CACNA1C: variants seen among roughly 807,000 people sequenced by gnomAD.
The protein encoded by CACNA1C is calcium voltage-gated channel subunit alpha1 C, also known as voltage-dependent L-type calcium channel subunit alpha-1C.
CACNA1C carries 30 observed loss-of-function variants against 229.0 expected under a neutral mutation model. That is an observed-to-expected ratio of 0.13 (90% CI 0.10 to 0.18). The LOEUF (loss-of-function observed/expected upper bound fraction) is 0.18. Ranked by LOEUF, CACNA1C falls within the 10% of genes least tolerant of loss-of-function variation. CACNA1C has a pLI of 1.00. For missense variants in CACNA1C, 1,658 were observed against 2,845.0 expected (o/e 0.58, Z 9.49); for synonymous variants, 1,114 against 1,132.5 (o/e 0.98, Z 0.33).
At chr12:2,371,338 G>A (rs2097858641) in intron 3 of CACNA1C, among the ~76,000 whole-genome samples, 1 of 152,196 alleles carries the variant, frequency 6.6e-6, no homozygotes, top group African/African-American at 2.4e-5. Context: ...CCAGCCGTAG[G>A]ATTTCTGCAG....
At chr12:2,573,194 A>G (rs760663657) in intron 13 of CACNA1C, among the ~76,000 whole-genome samples, 2 of 152,176 alleles carry the variant, frequency 1.3e-5, no homozygotes, top group African/African-American at 4.8e-5. Context: ...AACTGGGACT[A>G]TAAGTGCCAT....
intron 13 of CACNA1C, among the ~76,000 whole-genome samples, chr12:2,572,576 TCC>T (rs2056121444): frequency 2.4e-5 from 1 of 40,994 alleles, no homozygotes. Flanking sequence ...CTCCTCCTTC[TCC>T]TCTCCTCCTC....
At chr12:2,552,697 T>C (rs1332364139) in intron 10 of CACNA1C, among the ~76,000 whole-genome samples, 1 of 152,084 alleles carries the variant, frequency 6.6e-6, no homozygotes, top group African/African-American at 2.4e-5. Context: ...AAAGAAGGGC[T>C]GTGTTGTGTG....
intron 3 of CACNA1C, among the ~76,000 whole-genome samples, chr12:2,435,208 C>T (rs1247818058): frequency 6.6e-6 from 1 of 152,214 alleles, no homozygotes; most frequent in African/African-American, 2.4e-5. Context: ...CAGCTCCTCC[C>T]CTGCCACCTT....
At chr12:2,560,177 A>G (rs1453136587) in intron 11 of CACNA1C, among the ~76,000 whole-genome samples, 1 of 152,216 alleles carries the variant, frequency 6.6e-6, no homozygotes, top group Admixed American at 6.5e-5. Context: ...CGTCTAATCT[A>G]GATTCAGCAG....
chr12:2,031,471 T>C (rs1486179416), intron 1 of CACNA1C, among the ~76,000 whole-genome samples: 3 of 152,234 alleles, frequency 2.0e-5, no homozygotes, highest in African/African-American at 7.2e-5. Flanking sequence ...CGTGCCTGTC[T>C]CCTCTGCTGC....
At chr12:1,993,426 G>C (rs1450261768) in intron 1 of CACNA1C, 2 of 1,599,176 alleles carry the variant, frequency 1.3e-6, no homozygotes, top group African/African-American at 2.7e-5. Flanking sequence ...GAAATCAATA[G>C]ACAAATTGCT....
chr12:2,444,113 G>C (rs1373893052), intron 3 of CACNA1C, among the ~76,000 whole-genome samples: 1 of 152,100 alleles, frequency 6.6e-6, no homozygotes, highest in Non-Finnish European at 1.5e-5. Context: ...TAAACAATCA[G>C]GCATGAGGAT....
chr12:2,565,637 C>T (rs550807527), intron 11 of CACNA1C, among the ~76,000 whole-genome samples: 20 of 152,202 alleles, frequency 1.3e-4, no homozygotes, highest in Middle Eastern at 3.4e-3. Flanking sequence ...AACCAAGATA[C>T]GGGGAAGAGT....
chr12:2,418,966 A>G (rs1045973477), intron 3 of CACNA1C, among the ~76,000 whole-genome samples: 1 of 152,144 alleles, frequency 6.6e-6, no homozygotes, highest in African/African-American at 2.4e-5. Flanking sequence ...ATACAAACAA[A>G]TGTGTACATG....
intron 3 of CACNA1C, among the ~76,000 whole-genome samples, chr12:2,325,985 CA>C (rs2154503784): frequency 6.6e-6 from 1 of 152,348 alleles, no homozygotes; most frequent in Admixed American, 6.5e-5. Context: ...TCAGCCTGGC[CA>C]GCCCCCTGAG....
intron 7 of CACNA1C, among the ~76,000 whole-genome samples, chr12:2,499,439 T>G (rs2099753963): frequency 6.6e-6 from 1 of 152,210 alleles, no homozygotes; most frequent in South Asian, 2.1e-4. Flanking sequence ...CGTGGAAGTC[T>G]GCTGGGCTGG....
At chr12:2,588,155 C>T (rs936876831) in intron 18 of CACNA1C, among the ~76,000 whole-genome samples, 1 of 152,298 alleles carries the variant, frequency 6.6e-6, no homozygotes, top group South Asian at 2.1e-4. Flanking sequence ...GATCACGTGG[C>T]CTGTTGTCTC....
chr12:2,477,608 G>A (rs1321963136), intron 5 of CACNA1C, among the ~76,000 whole-genome samples: 2 of 152,148 alleles, frequency 1.3e-5, no homozygotes, highest in Non-Finnish European at 2.9e-5. Context: ...TTCAGTCGAT[G>A]GGGAGCCGAG....
chr12:2,053,719 G>A lies in CACNA1C; in HGVS notation c.49+108G>A, dbSNP rs1457371874. On this transcript the variant is annotated intron_variant, in intron 1 of 46. Transcript: ENST00000399655. The surrounding 1 kb of genome is among the most constrained non-coding windows in gnomAD (Gnocchi z 5.8). ...GGGGCCGGTCCCTGCGGAGTGGCCCGGGGCCGCGTCCGCGAGGGGCGCCTC... is the reference window on the plus strand; with the variant it reads ...GGGGCCGGTCCCTGCGGAGTGGCCCAGGGCCGCGTCCGCGAGGGGCGCCTC... 1.0e-5 allele frequency: 11 copies of A among 1,102,746 alleles called. No homozygotes were observed. Among genetic ancestry groups the A allele is most frequent in the African/African-American group, 1.7e-5 (1 of 60,070 alleles). 68.3% of individuals were successfully genotyped at this position (1,102,746 alleles called of 1,614,324 possible).
chr12:2,325,895 A>T (rs1014107189), intron 3 of CACNA1C, among the ~76,000 whole-genome samples: 1 of 152,198 alleles, frequency 6.6e-6, no homozygotes, highest in Non-Finnish European at 1.5e-5. Flanking sequence ...CTTCCTTCAG[A>T]CATCGCCACC....
chr12:2,160,142 C>T (rs190324361), intron 3 of CACNA1C, among the ~76,000 whole-genome samples: 15 of 152,226 alleles, frequency 9.9e-5, no homozygotes, highest in African/African-American at 3.1e-4. Context: ...GGCCCTAGTG[C>T]GATGTCAGGG....
chr12:2,478,664 T>C (rs1434733379), intron 5 of CACNA1C, among the ~76,000 whole-genome samples: 1 of 152,202 alleles, frequency 6.6e-6, no homozygotes, highest in African/African-American at 2.4e-5. Context: ...CTTTATGGGA[T>C]AGGTAAACGA....
intron 3 of CACNA1C, among the ~76,000 whole-genome samples, chr12:2,122,757 T>A (rs909065759): frequency 2.0e-5 from 3 of 152,242 alleles, no homozygotes; most frequent in African/African-American, 7.2e-5. Context: ...AAGTAAATTG[T>A]TGCTAAGACT....
Sources: gnomAD v4.1 joint callset for allele counts (sites outside exome capture counted in the v4.1 genomes callset) on GRCh38, gnomAD v4.1.1 for gene constraint, Gnocchi (gnomAD v3.1) non-coding constraint, MANE v1.5 for transcripts, NCBI Gene and HGNC (gene_info 2026-07-23, HGNC 2026-07-21) for gene names.